The following MTAP variants were observed in gnomAD, a reference collection of about 807,000 sequenced individuals.
MTAP encodes methylthioadenosine phosphorylase.
Under a neutral mutation model 33.6 loss-of-function variants are expected in MTAP, and 33 were observed. That is an observed-to-expected ratio of 0.98 (90% CI 0.74 to 1.31). MTAP has a LOEUF of 1.31. MTAP is among the 40% of genes most tolerant of loss of function. The pLI is 0.00. For missense variants in MTAP, 367 were observed against 360.0 expected (o/e 1.02, Z -0.16); for synonymous variants, 148 against 125.7 (o/e 1.18, Z -1.19).
intron 1 of MTAP, among the ~76,000 whole-genome samples, chr9:21,898,281 A>G (rs187048863): frequency 5.1e-4 from 77 of 152,362 alleles, no homozygotes; most frequent in Admixed American, 1.7e-3. Context: ...TAAAAACCCT[A>G]GATGAAAACC....
At chr9:21,810,436 A>G (rs750529290) in intron 1 of MTAP, among the ~76,000 whole-genome samples, 2 of 151,922 alleles carry the variant, frequency 1.3e-5, no homozygotes, top group Non-Finnish European at 2.9e-5. Context: ...CAAAAAAGAG[A>G]CAAACTTTGC....
intron 5 of MTAP, among the ~76,000 whole-genome samples, chr9:21,841,421 A>T (rs897034902): frequency 1.3e-5 from 2 of 152,216 alleles, no homozygotes; most frequent in Non-Finnish European, 2.9e-5. Context: ...CTAACCAGAG[A>T]TCCTGAATAT....
chr9:21,845,659 C>T (rs567077400), intron 5 of MTAP, among the ~76,000 whole-genome samples: 120 of 152,050 alleles, frequency 7.9e-4, no homozygotes, highest in African/African-American at 2.9e-3. Context: ...TCATTCTTCA[C>T]AGAAATATAA....
At chr9:21,813,954 T>G (rs1824414050) in intron 1 of MTAP, 1 of 152,254 alleles carries the variant, frequency 6.6e-6, no homozygotes, top group African/African-American at 2.4e-5. Flanking sequence ...TGAACACTTC[T>G]GTTGATTTGA....
intron 6 of MTAP, among the ~76,000 whole-genome samples, chr9:21,855,245 A>G (rs1825612502): frequency 6.6e-6 from 1 of 152,210 alleles, no homozygotes; most frequent in Admixed American, 6.5e-5. Flanking sequence ...AGAGGGCTGT[A>G]TGTTCACATC....
intron 2 of MTAP, 71 bp downstream of exon 2, chr9:21,815,590 TAAA>T: frequency 5.3e-6 from 4 of 757,236 alleles, no homozygotes; most frequent in East Asian, 3.1e-5. Context: ...ATTTTTGAAT[TAAA>T]AAAAAAAAAA....
At chr9:21,894,796 T>C (rs551875335) in intron 1 of MTAP, among the ~76,000 whole-genome samples, 2 of 151,136 alleles carry the variant, frequency 1.3e-5, no homozygotes, top group Non-Finnish European at 2.9e-5. Flanking sequence ...GTCCAAAGCC[T>C]CCTGCATCTG....
intron 6 of MTAP, among the ~76,000 whole-genome samples, chr9:21,855,640 C>T (rs1338381754): frequency 1.3e-5 from 2 of 152,050 alleles, no homozygotes; most frequent in Non-Finnish European, 2.9e-5. Flanking sequence ...GGGGTTCAGG[C>T]AGGGAAGGCA....
At chr9:21,917,375 C>T (rs1453705038) in intron 1 of MTAP, among the ~76,000 whole-genome samples, 2 of 152,018 alleles carry the variant, frequency 1.3e-5, no homozygotes, top group African/African-American at 2.4e-5. Flanking sequence ...AGAGCAGAGA[C>T]GAAAGCAAGG....
intron 1 of MTAP, among the ~76,000 whole-genome samples, chr9:21,880,748 G>C (rs773722866): frequency 6.6e-6 from 1 of 152,062 alleles, no homozygotes; most frequent in Non-Finnish European, 1.5e-5. Flanking sequence ...AAACATTGCT[G>C]AAAGAAATAA....
intron 4 of MTAP, among the ~76,000 whole-genome samples, chr9:21,829,128 C>T (rs1824898738): frequency 6.6e-6 from 1 of 152,176 alleles, no homozygotes; most frequent in Non-Finnish European, 1.5e-5. Context: ...CGGGCATCTC[C>T]TACCTCCACT....
rs1825598050 is a variant in MTAP at position 21,854,799 on chromosome 9, G to C, written c.619G>C (p.Glu207Gln). 1.2e-6 allele frequency: 2 copies of C among 1,614,176 alleles called. No homozygotes were observed. The highest frequency in any genetic ancestry group is 1.7e-6 in the Non-Finnish European group (2 of 1,180,016). Residue 207 changes from glutamate to glutamine, a missense_variant, in exon 6 of 8, where the codon GAG becomes CAG. Physicochemically the swap from Glu to Gln is conservative, Grantham distance 29 (BLOSUM62 2). Transcript: ENST00000644715. ...AGTTCCAGAGGTGGTTCTTGCTAAG[G>C]AGGCTGGAATTTGTTACGCAAGTAT... ...TTVPEVVLAKEAGICYASIAM... is the reference protein window; with the variant it reads ...TTVPEVVLAKQAGICYASIAM...
intron 6 of MTAP, among the ~76,000 whole-genome samples, 180 bp downstream of exon 6, chr9:21,855,050 G>A (rs900432285): frequency 1.3e-5 from 2 of 152,202 alleles, no homozygotes; most frequent in Admixed American, 6.5e-5. Flanking sequence ...GAAAGAAAGA[G>A]ACACTTTTAC....
At chr9:21,807,261 A>G (rs1824230382) in intron 1 of MTAP, among the ~76,000 whole-genome samples, 1 of 152,182 alleles carries the variant, frequency 6.6e-6, no homozygotes, top group African/African-American at 2.4e-5. Context: ...CTATCAACAT[A>G]ATGATATTAA....
intron 4 of MTAP, among the ~76,000 whole-genome samples, chr9:21,836,765 C>T (rs1377875270): frequency 1.3e-5 from 2 of 152,104 alleles, no homozygotes; most frequent in Admixed American, 1.3e-4. Flanking sequence ...GGTTTTTGTT[C>T]CTCCAGAGCG....
intron 1 of MTAP, among the ~76,000 whole-genome samples, chr9:21,910,510 C>G (rs1382521220): frequency 6.6e-6 from 1 of 151,826 alleles, no homozygotes; most frequent in Non-Finnish European, 1.5e-5. Flanking sequence ...ATTCTATATC[C>G]CTAAATTGGG....
At chr9:21,885,899 T>G (rs1818101638) in intron 1 of MTAP, among the ~76,000 whole-genome samples, 1 of 152,010 alleles carries the variant, frequency 6.6e-6, no homozygotes, top group South Asian at 2.1e-4. Flanking sequence ...AGTTGTGAAT[T>G]GTCCTGCTAT....
intron 1 of MTAP, among the ~76,000 whole-genome samples, chr9:21,880,833 CA>C (rs1436907955): frequency 1.3e-5 from 2 of 151,900 alleles, no homozygotes; most frequent in African/African-American, 4.8e-5. Flanking sequence ...CAGTACTACC[CA>C]AAGTGATCTA....
rs1348214523 is a variant in MTAP at position 21,866,718 on chromosome 9, T to C, written c.*4704T>C. 6.6e-6 allele frequency: 1 copy of C among 152,150 alleles called. No individual in the cohort carries two copies. Among genetic ancestry groups the C allele is most frequent in the Non-Finnish European group, 1.5e-5 (1 of 68,010 alleles). The allele number at this position is 152,150 out of a possible 1,614,324, so 9.4% of individuals were successfully genotyped here. A position where few individuals can be genotyped will look rare whatever the true frequency, so the allele number is the denominator to read the frequency against. ...AAGATTGTTTTGGCTATAGGTCCTT[T>C]CTTTATAAAGTTTATATTAAGCTTC... On this transcript the variant is annotated 3_prime_UTR_variant, in exon 8 of 8. Coordinates refer to ENST00000644715, the MANE Select transcript of MTAP (RefSeq NM_002451.4).
Sources: allele counts gnomAD v4.1 joint callset (sites outside exome capture counted in the v4.1 genomes callset), GRCh38; gene constraint gnomAD v4.1.1; transcripts MANE v1.5; gene names NCBI Gene and HGNC (gene_info 2026-07-23, HGNC 2026-07-21).